The following TNRC18 variants were observed in gnomAD, a reference collection of about 807,000 sequenced individuals.
The protein encoded by TNRC18 is trinucleotide repeat-containing gene 18 protein.
In TNRC18, 69 loss-of-function variants were observed where a neutral mutation model predicts 226.7. The observed-to-expected ratio is 0.30, with a 90% confidence interval of 0.25 to 0.37. The LOEUF (loss-of-function observed/expected upper bound fraction) is 0.37. TNRC18 is among the 10% of genes least tolerant of loss of function. The probability of loss-of-function intolerance (pLI) is 1.00; values close to 1 mark genes in which losing one functional copy is unlikely to be tolerated. For missense variants in TNRC18, 4,754 were observed against 4,256.6 expected, an observed-to-expected ratio of 1.12 and a Z score of -3.25; for synonymous variants, 2,449 against 1,927.6, an observed-to-expected ratio of 1.27 and a Z score of -7.09.
chr7:5,349,416 T>TTTA (rs953440001), intron 17 of TNRC18, among the ~76,000 whole-genome samples: 1 of 152,028 alleles, frequency 6.6e-6, no homozygotes, highest in Non-Finnish European at 1.5e-5. Context: ...AGAAAAACTT[T>TTTA]TTATTATTAT....
chr7:5,422,151 C>T (rs978493955), intron 1 of TNRC18, among the ~76,000 whole-genome samples: 1 of 152,068 alleles, frequency 6.6e-6, no homozygotes, highest in Non-Finnish European at 1.5e-5. Flanking sequence ...GTCCGAGGAC[C>T]CGAGACGTGG....
chr7:5,341,846 G>A (rs1247310754), intron 18 of TNRC18, among the ~76,000 whole-genome samples: 1 of 150,550 alleles, frequency 6.6e-6, no homozygotes, highest in Non-Finnish European at 1.5e-5. Flanking sequence ...AATATTTTAA[G>A]CCTGCTGTTG....
rs1385867552 is a variant in TNRC18 at position 5,307,918 on chromosome 7, GCACATGCGTGCACA to G, written c.*174_*187del. On this transcript the variant is annotated 3_prime_UTR_variant, in exon 30 of 30. Transcript: ENST00000430969. ...TTGGAAGGTGGGGCTGGAGGCATGT[GCACATGCGTGCACA>G]CACGTGCATGCACACACACTCACCC... 18 of 608,884 alleles carry G rather than the reference GCACATGCGTGCACA, an allele frequency of 3.0e-5. No homozygotes were observed. Among genetic ancestry groups the G allele is most frequent in the South Asian group, 2.2e-4 (11 of 50,928 alleles). The allele number at this position is 608,884 out of a possible 1,614,324, so 37.7% of individuals were successfully genotyped here. A position where few individuals can be genotyped will look rare whatever the true frequency, so the allele number is the denominator to read the frequency against.
At chr7:5,310,253 G>A (rs934973040) in intron 27 of TNRC18, among the ~76,000 whole-genome samples, 5 of 151,932 alleles carry the variant, frequency 3.3e-5, no homozygotes, top group African/African-American at 9.7e-5. Context: ...TTTTTGAGAT[G>A]AAGTCTCACT....
Position 5,351,909 on chromosome 7 carries a change from T to C in TNRC18, c.5380A>G (p.Thr1794Ala). Residue 1794 changes from threonine (T) to alanine (A), a missense_variant, in exon 17 of 30, where the codon ACC (threonine) becomes GCC (alanine). Transcript: ENST00000430969. Reference sequence around the variant, plus strand: ...AGACAAAACGGCTGCTTCCTGCTGGTGGCCGGCTTGGGTTTCAGAGTCCGG... The same window carrying C: ...AGACAAAACGGCTGCTTCCTGCTGGCGGCCGGCTTGGGTTTCAGAGTCCGG... ...APRTLKPKPATSRKQPFCLLL... is the reference protein window; with the variant it reads ...APRTLKPKPAASRKQPFCLLL... The C allele has an allele frequency of 6.2e-7, 1 of 1,613,646 alleles. No homozygotes were observed. The highest frequency in any genetic ancestry group is 8.5e-7 in the Non-Finnish European group (1 of 1,179,792).
intron 18 of TNRC18, among the ~76,000 whole-genome samples, chr7:5,340,434 G>C (rs921092537): frequency 6.6e-6 from 1 of 152,118 alleles, no homozygotes; most frequent in Admixed American, 6.6e-5. Context: ...TGTCTCATGA[G>C]GTGTAAGGAA....
intron 2 of TNRC18, among the ~76,000 whole-genome samples, chr7:5,413,157 C>T (rs1184568131): frequency 1.3e-5 from 2 of 152,134 alleles, no homozygotes; most frequent in Non-Finnish European, 2.9e-5. Flanking sequence ...CCTGAAAAGC[C>T]GGGGCAAGGG....
chr7:5,419,442 A>G (rs1447291120), intron 2 of TNRC18, among the ~76,000 whole-genome samples: 1 of 152,062 alleles, frequency 6.6e-6, no homozygotes, highest in Non-Finnish European at 1.5e-5. Flanking sequence ...GGCTGGACCA[A>G]ATGACCCAAA....
At chr7:5,359,716 G>C in intron 14 of TNRC18, 147 bp from the exon 15 acceptor site, 1 of 799,540 alleles carries the variant, frequency 1.3e-6, no homozygotes. Context: ...GATGGATCTT[G>C]TAAAACAACA....
intron 1 of TNRC18, among the ~76,000 whole-genome samples, chr7:5,422,106 T>TC (rs1292579130): frequency 2.0e-5 from 3 of 151,244 alleles, no homozygotes; most frequent in Non-Finnish European, 2.9e-5. Flanking sequence ...CCCCCCTTTC[T>TC]CCCCCCGGGG....
At chr7:5,391,678 A>G (rs1213883711) in intron 3 of TNRC18, among the ~76,000 whole-genome samples, 2 of 140,318 alleles carry the variant, frequency 1.4e-5, no homozygotes, top group Non-Finnish European at 3.0e-5. Flanking sequence ...AGGGGTAGCC[A>G]TGGAGAGAGG....
rs959132333 is a variant in TNRC18, at chr7:5,361,687, C to T, written c.4568G>A (p.Arg1523His). The T allele has an allele frequency of 3.8e-6, 6 of 1,565,870 alleles. No individual in the cohort carries two copies. In the African/African-American group the frequency reaches 4.1e-5, roughly 11 times the overall value. Reference protein sequence around the residue: ...RREEPHRSLARRGPGRPRKRT... With the variant: ...RREEPHRSLAHRGPGRPRKRT... The stretch of plus-strand genomic sequence containing the variant: ...TTTCCGCGGCCTGCCAGGGCCTCTG[C>T]GTGCCAAGCTTCTATGGGGTTCCTC... Residue 1523 changes from arginine (R) to histidine (H), a missense_variant, in exon 14 of 30, where the codon CGC becomes CAC. By Grantham distance (29) the Arg-to-His change is conservative. Coordinates refer to ENST00000430969, the MANE Select transcript of TNRC18 (RefSeq NM_001080495.3).
rs751772216 is a variant in TNRC18, at chr7:5,388,221, C to T, written c.1603G>A (p.Ala535Thr). The change falls in exon 5 of 30, where the codon GCC becomes ACC. Residue 535 changes from alanine to threonine, a missense_variant. Physicochemically the swap from Ala to Thr is moderately conservative, Grantham distance 58 (BLOSUM62 0). Coordinates refer to ENST00000430969, the MANE Select transcript of TNRC18 (RefSeq NM_001080495.3). ...VLAAQHHHSR[A>T]EEEAAVVAAS... ...GCGACCACGGCGGCCTCCTCTTCGG[C>T]GCGGCTGTGGTGGTGCTGCGCGGCC... 2 of 1,600,796 alleles carry T rather than the reference C, an allele frequency of 1.2e-6. No individual in the cohort carries two copies. The highest frequency in any genetic ancestry group is 2.3e-5 in the East Asian group (1 of 44,396).
At chr7:5,323,581 T>TTTTTTTTA (rs60338709) in intron 21 of TNRC18, among the ~76,000 whole-genome samples, 8 of 150,214 alleles carry the variant, frequency 5.3e-5, no homozygotes, top group African/African-American at 7.3e-5. Flanking sequence ...TTTTTTTTTT[T>TTTTTTTTA]GAGACACAGT....
rs1263865410 is a variant in TNRC18, at chr7:5,308,306, G to A, written c.8707C>T (p.Leu2903=). 9.3e-6 allele frequency: 15 copies of A among 1,611,154 alleles called. No homozygotes were observed. The East Asian group carries it at 1.1e-4, about 12-fold the overall frequency. ...TCGTCCACATGCGAGGACTGGTATAGCGCGCGCTGCGGGCACGCGGGGATA... is the reference window on the plus strand; with the variant it reads ...TCGTCCACATGCGAGGACTGGTATAACGCGCGCTGCGGGCACGCGGGGATA... ...SQRKDFMERA[L]YQSSHVDEND... The change falls in exon 30 of 30, where the codon CTA becomes TTA. Residue 2903 remains leucine (L), a synonymous_variant. Transcript: ENST00000430969.
chr7:5,415,284 G>T (rs1219586578), intron 2 of TNRC18, among the ~76,000 whole-genome samples: 1 of 151,904 alleles, frequency 6.6e-6, no homozygotes, highest in African/African-American at 2.4e-5. Context: ...CAGTCGGGTG[G>T]GGGTGGGCTG....
At position 5,316,682 on chromosome 7, in the gene TNRC18, G is replaced by A. The variant is rs116049788; in HGVS notation, c.6746-610C>T. 6.1e-3 allele frequency among the ~76,000 whole-genome samples: 932 copies of A among 152,292 alleles called. 9 individuals carry two copies. Among genetic ancestry groups the A allele is most frequent in the African/African-American group, 0.021 (883 of 41,550 alleles). ...CCCTCCTGCAACCACAGCAAAGGAG[G>A]GACGCAGGTGTCAACCCTGAAGGAC... On this transcript the variant is annotated intron_variant, in intron 24 of 29. Coordinates refer to ENST00000430969, the MANE Select transcript of TNRC18 (RefSeq NM_001080495.3).
At chr7:5,370,224 G>C (rs1583947516) in intron 11 of TNRC18, 151 bp downstream of exon 11, 2 of 916,964 alleles carry the variant, frequency 2.2e-6, no homozygotes, top group Non-Finnish European at 3.2e-6. Flanking sequence ...TGGGGAGGCT[G>C]GGGAGGGAAG....
At position 5,351,974 on chromosome 7, in the gene TNRC18, G is replaced by A. The variant is rs748831901; in HGVS notation, c.5315C>T (p.Ala1772Val). The A allele has an allele frequency of 6.2e-7, 1 of 1,614,010 alleles. No homozygotes were observed. Among genetic ancestry groups the A allele is most frequent in the African/African-American group, 1.3e-5 (1 of 75,064 alleles). The change falls in exon 17 of 30, where the codon GCT (alanine) becomes GTT (valine). Residue 1772 changes from alanine (A) to valine (V), a missense_variant. Coordinates refer to ENST00000430969, the MANE Select transcript of TNRC18 (RefSeq NM_001080495.3). Reference protein sequence around the residue: ...CSMVAKNSKAAGGPKLTKRGL... With the variant: ...CSMVAKNSKAVGGPKLTKRGL... Reference sequence around the variant, plus strand: ...CCTCTTGGTCAGCTTGGGGCCACCAGCTGCCTTGCTGTTCTTTGCCACCAT... The same window carrying A: ...CCTCTTGGTCAGCTTGGGGCCACCAACTGCCTTGCTGTTCTTTGCCACCAT...
Sources: gnomAD v4.1 joint callset for allele counts (sites outside exome capture counted in the v4.1 genomes callset) on GRCh38, gnomAD v4.1.1 for gene constraint, MANE v1.5 for transcripts, NCBI Gene and HGNC (gene_info 2026-07-23, HGNC 2026-07-21) for gene names.